The following GLIS3 variants were observed in gnomAD, a reference collection of about 807,000 sequenced individuals.
GLIS3 encodes the protein zinc finger protein GLIS3.
A neutral mutation model predicts 78.6 loss-of-function variants in GLIS3; 53 were observed. That is an observed-to-expected ratio of 0.67 (90% CI 0.54 to 0.85). GLIS3 has a LOEUF of 0.85. Among genes scored for constraint, GLIS3 ranks in the 40% least tolerant of loss-of-function variants. GLIS3 has a pLI of 0.00. For missense variants in GLIS3, 1,703 were observed against 1,231.1 expected, an observed-to-expected ratio of 1.38 and a Z score of -5.74; for synonymous variants, 684 against 509.9, an observed-to-expected ratio of 1.34 and a Z score of -4.60.
At chr9:3,861,119 A>C (rs1341829283) in intron 8 of GLIS3, among the ~76,000 whole-genome samples, 1 of 152,182 alleles carries the variant, frequency 6.6e-6, no homozygotes, top group Non-Finnish European at 1.5e-5. Flanking sequence ...TGATCGATTG[A>C]ATGTACATTT....
At chr9:3,999,706 T>C (rs1820995543) in intron 4 of GLIS3, among the ~76,000 whole-genome samples, 2 of 152,152 alleles carry the variant, frequency 1.3e-5, no homozygotes, top group African/African-American at 4.8e-5. Flanking sequence ...TTGATCTACA[T>C]ATTTAATAAA....
chr9:3,943,667 C>T (rs1307867285), intron 4 of GLIS3, among the ~76,000 whole-genome samples: 2 of 152,168 alleles, frequency 1.3e-5, no homozygotes, highest in African/African-American at 4.8e-5. Context: ...TTTGCACTTG[C>T]ATTTCCTACA....
At position 3,977,976 on chromosome 9, in the gene GLIS3, C is replaced by G. The variant is rs535373245; in HGVS notation, c.1711-40787G>C. On this transcript the variant is annotated intron_variant, in intron 4 of 10. Transcript: ENST00000381971. The surrounding 1 kb of genome is among the most constrained non-coding windows in gnomAD (Gnocchi z 4.1). ...AAAGGCCAGTTGACACCGCTGGGTGCACCCTCCGCTGCTCCAAACCTGAGA... is the reference window on the plus strand; with the variant it reads ...AAAGGCCAGTTGACACCGCTGGGTGGACCCTCCGCTGCTCCAAACCTGAGA... 6.6e-6 allele frequency among the ~76,000 whole-genome samples: 1 copy of G among 152,314 alleles called. No individual in the cohort carries two copies. The highest frequency in any genetic ancestry group is 1.5e-5 in the Non-Finnish European group (1 of 68,020).
chr9:4,003,757 T>G (rs1031546730), intron 4 of GLIS3, among the ~76,000 whole-genome samples: 3 of 152,176 alleles, frequency 2.0e-5, no homozygotes, highest in African/African-American at 7.2e-5. Flanking sequence ...AGGACAGTCA[T>G]CTGGATGATG....
intron 4 of GLIS3, among the ~76,000 whole-genome samples, chr9:3,988,320 C>A (rs1174630566): frequency 6.6e-6 from 1 of 152,072 alleles, no homozygotes; most frequent in Non-Finnish European, 1.5e-5. Flanking sequence ...AAGAAGGAAT[C>A]CTGGCACATC....
At chr9:4,047,944 G>A (rs890128761) in intron 4 of GLIS3, among the ~76,000 whole-genome samples, 5 of 152,144 alleles carry the variant, frequency 3.3e-5, no homozygotes, top group African/African-American at 1.2e-4. Flanking sequence ...CAGCTGGTAG[G>A]CCTAAGGAGG....
chr9:3,952,280 C>T (rs867548048), intron 4 of GLIS3, among the ~76,000 whole-genome samples: 1 of 152,224 alleles, frequency 6.6e-6, no homozygotes, highest in East Asian at 1.9e-4. Context: ...TTCTTGGTCA[C>T]CTTACTACTG....
intron 8 of GLIS3, among the ~76,000 whole-genome samples, chr9:3,863,540 G>C (rs1563789504): frequency 6.6e-6 from 1 of 152,200 alleles, no homozygotes; most frequent in Non-Finnish European, 1.5e-5. Flanking sequence ...CCCTATGAGA[G>C]GCTGGGTCAG....
chr9:4,395,303 G>A, the GLIS3 span, among the ~76,000 whole-genome samples: 7 of 152,134 alleles, frequency 4.6e-5, no homozygotes, highest in South Asian at 2.1e-4. Flanking sequence ...TCCAAAACAA[G>A]GTGAGTCTTG....
chr9:4,276,567 G>GGAAGGGAAGA (rs1359808778), intron 2 of GLIS3, among the ~76,000 whole-genome samples: 2 of 147,406 alleles, frequency 1.4e-5, no homozygotes, highest in East Asian at 2.0e-4. Flanking sequence ...GGGAGGGGAG[G>GGAAGGGAAGA]GAAGAGAAGA....
chr9:4,265,897 G>GTT (rs148160187), intron 2 of GLIS3, among the ~76,000 whole-genome samples: 8 of 120,782 alleles, frequency 6.6e-5, no homozygotes, highest in Non-Finnish European at 1.2e-4. Context: ...ACTCACCCTG[G>GTT]TTTTTTTTTT....
At chr9:4,343,304 T>C (rs1488958154) in intron 2 of GLIS3, among the ~76,000 whole-genome samples, 1 of 152,168 alleles carries the variant, frequency 6.6e-6, no homozygotes, top group Admixed American at 6.5e-5. Context: ...ATTGTGCCAC[T>C]GCACTCCAGC....
the GLIS3 span, among the ~76,000 whole-genome samples, chr9:4,439,227 G>T: frequency 3.3e-5 from 5 of 151,994 alleles, no homozygotes; most frequent in Non-Finnish European, 7.4e-5. Flanking sequence ...TATTTTCCAA[G>T]ATTTCTATTT....
chr9:4,144,335 G>A (rs1409597519), intron 2 of GLIS3, among the ~76,000 whole-genome samples: 2 of 152,180 alleles, frequency 1.3e-5, no homozygotes, highest in African/African-American at 4.8e-5. Context: ...CAAATACAAA[G>A]TGATATTTTT....
At chr9:4,326,015 G>A (rs969792134) in intron 2 of GLIS3, among the ~76,000 whole-genome samples, 1 of 152,132 alleles carries the variant, frequency 6.6e-6, no homozygotes. Context: ...GAGAACACAA[G>A]TACACACTGT....
intron 4 of GLIS3, among the ~76,000 whole-genome samples, chr9:3,988,182 A>G (rs2129721482): frequency 6.6e-6 from 1 of 152,290 alleles, no homozygotes; most frequent in Middle Eastern, 3.4e-3. Flanking sequence ...CAGAGAAACT[A>G]TCCTTCATAA....
chr9:4,385,809 G>T, the GLIS3 span, among the ~76,000 whole-genome samples: 1 of 44,934 alleles, frequency 2.2e-5, no homozygotes, highest in African/African-American at 9.6e-5. Flanking sequence ...AAGAAAGAAA[G>T]AAAAGAAAGA....
the GLIS3 span, among the ~76,000 whole-genome samples, chr9:4,360,778 G>A: frequency 6.6e-6 from 1 of 152,220 alleles, no homozygotes; most frequent in East Asian, 1.9e-4. Flanking sequence ...TTGAGGCACA[G>A]ACACCTTGAA....
intron 2 of GLIS3, among the ~76,000 whole-genome samples, chr9:4,235,534 G>C (rs1468706274): frequency 1.3e-5 from 2 of 152,174 alleles, no homozygotes; most frequent in Non-Finnish European, 2.9e-5. Context: ...GTGCCAAACA[G>C]AGCAGAAGAA....
Sources: allele counts gnomAD v4.1 joint callset (sites outside exome capture counted in the v4.1 genomes callset), GRCh38; gene constraint gnomAD v4.1.1; non-coding constraint Gnocchi (gnomAD v3.1); transcripts MANE v1.5; gene names NCBI Gene and HGNC (gene_info 2026-07-23, HGNC 2026-07-21).